The following KIRREL3 variants were observed in gnomAD, a reference collection of about 807,000 sequenced individuals.
KIRREL3 encodes the protein kirre like nephrin family adhesion molecule 3.
Under a neutral mutation model 89.7 loss-of-function variants are expected in KIRREL3, and 36 were observed. That is an observed-to-expected ratio of 0.40 (90% CI 0.31 to 0.53). The LOEUF (loss-of-function observed/expected upper bound fraction) is 0.53. KIRREL3 is among the 20% of genes least tolerant of loss of function. The pLI, the probability that KIRREL3 is intolerant of heterozygous loss-of-function variation, is 0.49. For missense variants in KIRREL3, 864 were observed against 1,056.6 expected (o/e 0.82, Z 2.53); for synonymous variants, 445 against 441.4 (o/e 1.01, Z -0.10).
intron 1 of KIRREL3, among the ~76,000 whole-genome samples, chr11:126,973,100 GAAAA>G (rs11449960): frequency 2.5e-5 from 3 of 119,636 alleles, no homozygotes; most frequent in Admixed American, 9.3e-5. Flanking sequence ...AAGTTTTGAG[GAAAA>G]AAAAAAAAAA....
Position 126,640,952 on chromosome 11 carries a change from C to A in KIRREL3, c.56-78040G>T, listed in dbSNP as rs1282379875. Among the ~76,000 whole-genome samples the A allele has an allele frequency of 6.6e-6, 1 of 152,180 alleles. No individual in the cohort carries two copies. Among genetic ancestry groups the A allele is most frequent in the African/African-American group, 2.4e-5 (1 of 41,446 alleles). ...TTGTATCCACAGCCTAGACCACCCC[C>A]TAAACTCTGGACTCATCTATCCAAT... On this transcript the variant is annotated intron_variant, in intron 1 of 16. Coordinates refer to ENST00000525144, the MANE Select transcript of KIRREL3 (RefSeq NM_032531.4). The surrounding 1 kb of genome is among the most constrained non-coding windows in gnomAD (Gnocchi z 4.9).
In KIRREL3 at chr11:126,541,001, A is replaced by ATG. The variant is rs1413102059; in HGVS notation, c.134-14316_134-14315dup. On this transcript the variant is annotated intron_variant, in intron 2 of 16. Transcript: ENST00000525144. The surrounding 1 kb of genome is among the most constrained non-coding windows in gnomAD (Gnocchi z 4.8). ...AAGAGAGTGGCACTAAGGGGCAGGG[A>ATG]TGGAACTATGCCATTAGCTCAAGAG... Among the ~76,000 whole-genome samples the ATG allele has an allele frequency of 6.6e-6, 1 of 152,152 alleles. No homozygotes were observed. Among genetic ancestry groups the ATG allele is most frequent in the Non-Finnish European group, 1.5e-5 (1 of 68,028 alleles).
rs112234557 is a variant in KIRREL3, at chr11:126,530,501, T to C, written c.134-3814A>G. Among the ~76,000 whole-genome samples the C allele has an allele frequency of 7.2e-3, 1,102 of 152,348 alleles. 9 individuals carry two copies. Among genetic ancestry groups the C allele is most frequent in the African/African-American group, 0.025 (1,034 of 41,586 alleles). ...GTGCCTTAAGTAGACAGTGAGCTCCTGAGAACCTGTTTCTTCCACACACAC... is the reference window on the plus strand; with the variant it reads ...GTGCCTTAAGTAGACAGTGAGCTCCCGAGAACCTGTTTCTTCCACACACAC... On this transcript the variant is annotated intron_variant, in intron 2 of 16. Coordinates refer to ENST00000525144, the MANE Select transcript of KIRREL3 (RefSeq NM_032531.4). This position sits in a 1 kb window ranked among gnomAD's most constrained non-coding sequence, Gnocchi z 5.8.
intron 1 of KIRREL3, among the ~76,000 whole-genome samples, chr11:126,826,258 A>G (rs910556614): frequency 2.6e-5 from 4 of 152,166 alleles, no homozygotes; most frequent in Non-Finnish European, 4.4e-5. Flanking sequence ...CTATATCCCT[A>G]ACACCTAACT....
chr11:126,785,872 CAAAAAAAAAAAAAAAAA>C (rs34526435), intron 1 of KIRREL3, among the ~76,000 whole-genome samples: 9 of 37,788 alleles, frequency 2.4e-4, no homozygotes, highest in African/African-American at 5.4e-4. Flanking sequence ...GACTCCGTCT[CAAAAAAAAAAAAAAAAA>C]AAAAAAAAAA....
chr11:126,450,906 CGT>C lies in KIRREL3; in HGVS notation c.849-1751_849-1750del, dbSNP rs151272051. Among the ~76,000 whole-genome samples, 403 of 107,140 alleles carry C rather than the reference CGT, an allele frequency of 3.8e-3. 2 individuals carry two copies. Among genetic ancestry groups the C allele is most frequent in the African/African-American group, 5.5e-3 (150 of 27,146 alleles). 70.3% of individuals were successfully genotyped at this position (107,140 alleles called of 152,430 possible). On this transcript the variant is annotated intron_variant, in intron 7 of 16. Transcript: ENST00000525144. ...GTGTGCATGTGCGTGTGTGCATGTGCGTGTGTGTCCACGTGCATGTGTGCATG... is the reference window on the plus strand; with the variant it reads ...GTGTGCATGTGCGTGTGTGCATGTGCGTGTGTCCACGTGCATGTGTGCATG...
rs1958573837 is a variant in KIRREL3 at position 126,521,155 on chromosome 11, G to T, written c.433+160C>A. Among the ~76,000 whole-genome samples, 1 of 152,060 alleles carries T rather than the reference G, an allele frequency of 6.6e-6. No homozygotes were observed. The highest frequency in any genetic ancestry group is 1.5e-5 in the Non-Finnish European group (1 of 68,008). On this transcript the variant is annotated intron_variant, in intron 4 of 16. Coordinates refer to ENST00000525144, the MANE Select transcript of KIRREL3 (RefSeq NM_032531.4). The surrounding 1 kb of genome is among the most constrained non-coding windows in gnomAD (Gnocchi z 4.1). The stretch of plus-strand genomic sequence containing the variant: ...GCCTTCGCTTGTCCCGTTTGGGTGG[G>T]AAGGTGGGCATGGATATTGTGGAAG...
Position 126,795,782 on chromosome 11 carries a change from G to C in KIRREL3, c.55+204673C>G, listed in dbSNP as rs1408352161. Reference sequence around the variant, plus strand: ...TTTTTTAATTAAAAAGAATTACAGAGCCACTTCAACCACCAGTTCTTCTTC... The same window carrying C: ...TTTTTTAATTAAAAAGAATTACAGACCCACTTCAACCACCAGTTCTTCTTC... On this transcript the variant is annotated intron_variant, in intron 1 of 16. Coordinates refer to ENST00000525144, the MANE Select transcript of KIRREL3 (RefSeq NM_032531.4). This position sits in a 1 kb window ranked among gnomAD's most constrained non-coding sequence, Gnocchi z 4.1. Among the ~76,000 whole-genome samples, 2 of 152,114 alleles carry C rather than the reference G, an allele frequency of 1.3e-5. No homozygotes were observed. The highest frequency in any genetic ancestry group is 4.8e-5 in the African/African-American group (2 of 41,422).
Position 126,895,182 on chromosome 11 carries a change from G to A in KIRREL3, c.55+105273C>T, listed in dbSNP as rs181688469. Among the ~76,000 whole-genome samples, 3 of 152,218 alleles carry A rather than the reference G, an allele frequency of 2.0e-5. No individual in the cohort carries two copies. The East Asian group carries it at 5.8e-4, about 29-fold the overall frequency. On this transcript the variant is annotated intron_variant, in intron 1 of 16. Coordinates refer to ENST00000525144, the MANE Select transcript of KIRREL3 (RefSeq NM_032531.4). Reference sequence around the variant, plus strand: ...TCCTTCTTGTGAAAGCAAGAAGAAGGCCGGGTGCAGTGGCTCACACCTGTA... The same window carrying A: ...TCCTTCTTGTGAAAGCAAGAAGAAGACCGGGTGCAGTGGCTCACACCTGTA...
intron 1 of KIRREL3, among the ~76,000 whole-genome samples, chr11:126,567,083 G>C (rs2134605946): frequency 6.6e-6 from 1 of 152,326 alleles, no homozygotes; most frequent in Non-Finnish European, 1.5e-5. Context: ...GTGTGGGCTG[G>C]GACAGTGCTA....
rs1939647367 is a variant in KIRREL3 at position 126,555,635 on chromosome 11, G to A, written c.133+7200C>T. On this transcript the variant is annotated intron_variant, in intron 2 of 16. Coordinates refer to ENST00000525144, the MANE Select transcript of KIRREL3 (RefSeq NM_032531.4). The surrounding 1 kb of genome is among the most constrained non-coding windows in gnomAD (Gnocchi z 4.2). ...AGGGGCCCTGCTTGAGGAGCAGCAG[G>A]AAGGCCCATGTGACTGGAGCGCAGG... 6.6e-6 allele frequency among the ~76,000 whole-genome samples: 1 copy of A among 152,184 alleles called. No individual in the cohort carries two copies.
chr11:126,591,201 G>C (rs1280487994), intron 1 of KIRREL3, among the ~76,000 whole-genome samples: 1 of 152,174 alleles, frequency 6.6e-6, no homozygotes, highest in Non-Finnish European at 1.5e-5. Flanking sequence ...ACTCCAGCCT[G>C]GGTGACAGAG....
At chr11:126,461,480 C>A (rs571394748) in intron 6 of KIRREL3, among the ~76,000 whole-genome samples, 1 of 152,248 alleles carries the variant, frequency 6.6e-6, no homozygotes, top group African/African-American at 2.4e-5. Flanking sequence ...AATGAGGATG[C>A]CAGAAGGCTC....
chr11:126,682,000 C>T (rs1285641542), intron 1 of KIRREL3: 1 of 408,586 alleles, frequency 2.4e-6, no homozygotes, highest in African/African-American at 2.1e-5. Context: ...AATCAGGAGA[C>T]CAGATGTCAA....
chr11:126,559,827 C>A (rs1010870102), intron 2 of KIRREL3, among the ~76,000 whole-genome samples: 9 of 151,552 alleles, frequency 5.9e-5, no homozygotes, highest in African/African-American at 2.2e-4. Context: ...GCACCACCAA[C>A]CCTGGCTGAT....
rs976022726 is a variant in KIRREL3, at chr11:126,606,112, A to G, written c.56-43200T>C. Among the ~76,000 whole-genome samples, 3 of 152,184 alleles carry G rather than the reference A, an allele frequency of 2.0e-5. No homozygotes were observed. Among genetic ancestry groups the G allele is most frequent in the African/African-American group, 7.2e-5 (3 of 41,422 alleles). Reference sequence around the variant, plus strand: ...TCAGTAAAATGGAGCTAATAATCATATTTGCTTCATAGAGCCTGTTTCGAG... The same window carrying G: ...TCAGTAAAATGGAGCTAATAATCATGTTTGCTTCATAGAGCCTGTTTCGAG... On this transcript the variant is annotated intron_variant, in intron 1 of 16. Coordinates refer to ENST00000525144, the MANE Select transcript of KIRREL3 (RefSeq NM_032531.4). This position sits in a 1 kb window ranked among gnomAD's most constrained non-coding sequence, Gnocchi z 4.6.
chr11:126,790,365 C>T (rs1350813811), intron 1 of KIRREL3, among the ~76,000 whole-genome samples: 1 of 152,150 alleles, frequency 6.6e-6, no homozygotes, highest in African/African-American at 2.4e-5. Flanking sequence ...GCATAGCCTC[C>T]CAGTCTTCAT....
chr11:126,720,741 A>G (rs1376560299), intron 1 of KIRREL3, among the ~76,000 whole-genome samples: 1 of 152,206 alleles, frequency 6.6e-6, no homozygotes, highest in Admixed American at 6.5e-5. Flanking sequence ...GATCACCCTC[A>G]TGAGAGAGAA....
rs1938341882 is a variant in KIRREL3 at position 126,541,222 on chromosome 11, T to C, written c.134-14535A>G. ...GTATGGACACATGAAGCTTTGTCCTTGTCCTGGGCCCAGAAGGTACCAGTT... is the reference window on the plus strand; with the variant it reads ...GTATGGACACATGAAGCTTTGTCCTCGTCCTGGGCCCAGAAGGTACCAGTT... On this transcript the variant is annotated intron_variant, in intron 2 of 16. Transcript: ENST00000525144. This position sits in a 1 kb window ranked among gnomAD's most constrained non-coding sequence, Gnocchi z 4.8. Among the ~76,000 whole-genome samples, 2 of 152,214 alleles carry C rather than the reference T, an allele frequency of 1.3e-5. No individual in the cohort carries two copies. Among genetic ancestry groups the C allele is most frequent in the Non-Finnish European group, 2.9e-5 (2 of 68,040 alleles).
Sources: gnomAD v4.1 joint callset for allele counts (sites outside exome capture counted in the v4.1 genomes callset) on GRCh38, gnomAD v4.1.1 for gene constraint, Gnocchi (gnomAD v3.1) non-coding constraint, MANE v1.5 for transcripts, NCBI Gene and HGNC (gene_info 2026-07-23, HGNC 2026-07-21) for gene names.